Variants in RARS1 observed in about 807,000 individuals in gnomAD.
The protein encoded by RARS1 is arginine--tRNA ligase, cytoplasmic.
In RARS1, 75 loss-of-function variants were observed where a neutral mutation model predicts 78.7. That is an observed-to-expected ratio of 0.95 (90% CI 0.79 to 1.15). The LOEUF (loss-of-function observed/expected upper bound fraction) is 1.15. Ranked by LOEUF, RARS1 falls within the 50% of genes most tolerant of loss-of-function variation. The pLI is 0.00. For synonymous variants in RARS1, 273 were observed against 268.2 expected (o/e 1.02, Z -0.18); for missense variants, 787 against 787.5 (o/e 1.00, Z 0.01).
At chr5:168,505,039 A>T (rs1272458773) in intron 9 of RARS1, among the ~76,000 whole-genome samples, 1 of 152,200 alleles carries the variant, frequency 6.6e-6, no homozygotes, top group Non-Finnish European at 1.5e-5. Context: ...TTTATGAGAA[A>T]ATAGGCACAG....
intron 2 of RARS1, among the ~76,000 whole-genome samples, chr5:168,490,488 C>T (rs1255834470): frequency 1.3e-5 from 2 of 152,084 alleles, no homozygotes; most frequent in African/African-American, 4.8e-5. Flanking sequence ...TGCAGATTAG[C>T]TCTTATATAG....
At position 168,517,799 on chromosome 5, in the gene RARS1, T is replaced by G; in HGVS notation, c.1626-16T>G. ...AACAGTGGTGATTGCCTGATGATTT[T>G]TTTGTTTTTTTTAAGGTCTATTGCA... is the stretch of plus-strand genomic sequence containing the variant. On this transcript the variant is annotated splice_polypyrimidine_tract_variant and intron_variant, in intron 13 of 14. Transcript: ENST00000231572. 1 of 1,558,422 alleles carries G rather than the reference T, an allele frequency of 6.4e-7. No individual in the cohort carries two copies. The highest frequency in any genetic ancestry group is 1.4e-5 in the African/African-American group (1 of 71,514).
chr5:168,495,419 AG>A lies in RARS1; in HGVS notation c.687del (p.Tyr230MetfsTer6). 1.2e-6 allele frequency: 2 copies of A among 1,613,780 alleles called. No individual in the cohort carries two copies. Among genetic ancestry groups the A allele is most frequent in the Non-Finnish European group, 8.5e-7 (1 of 1,179,788 alleles). On this transcript the variant is annotated frameshift_variant, in exon 6 of 15. Transcript: ENST00000231572. LOFTEE classifies it high-confidence loss of function. ...ESISRLFEFAGYDVLRLNHVG... is the reference protein window; with the variant it reads ...ESISRLFEFAXYDVLRLNHVG... ...GTATAAGCCGCCTCTTTGAATTTGC[AG>A]GGTATGACGTGCTCAGGTATGTGCT...
chr5:168,512,369 C>T (rs80346848), intron 12 of RARS1, among the ~76,000 whole-genome samples: 19,705 of 151,962 alleles, frequency 0.13, 1,676 homozygotes, highest in Non-Finnish European at 0.19. Flanking sequence ...GGTTGTAGGG[C>T]TGACTTACGC....
chr5:168,517,078 C>A, intron 13 of RARS1, 128 bp downstream of exon 13: 1 of 949,998 alleles, frequency 1.1e-6, no homozygotes, highest in Non-Finnish European at 1.6e-6. Flanking sequence ...CCCACCTCAG[C>A]CTCCTGAGTA....
intron 12 of RARS1, among the ~76,000 whole-genome samples, 175 bp from the exon 13 acceptor site, chr5:168,516,597 TATTTTC>T (rs2113037881): frequency 6.6e-6 from 1 of 152,358 alleles, no homozygotes; most frequent in East Asian, 1.9e-4. Flanking sequence ...ACGCATTTTA[TATTTTC>T]ATTATTTTGT....
chr5:168,501,873 A>AT (rs911724967), intron 8 of RARS1, 128 bp from the exon 9 acceptor site: 5 of 1,364,356 alleles, frequency 3.7e-6, no homozygotes, highest in African/African-American at 3.0e-5. Flanking sequence ...TATATCATAC[A>AT]TTTTTTATGT....
chr5:168,496,161 C>T (rs1758180683), intron 6 of RARS1, among the ~76,000 whole-genome samples: 1 of 151,952 alleles, frequency 6.6e-6, no homozygotes, highest in East Asian at 2.0e-4. Flanking sequence ...AAGGATGGAT[C>T]ACGAGGTCAG....
chr5:168,505,630 T>G (rs1758426805), intron 9 of RARS1, among the ~76,000 whole-genome samples: 1 of 149,378 alleles, frequency 6.7e-6, no homozygotes, highest in South Asian at 2.1e-4. Context: ...TCCCAGTACT[T>G]GGGGAGGCCC....
At chr5:168,511,871 T>C (rs1758569797) in intron 12 of RARS1, among the ~76,000 whole-genome samples, 1 of 152,072 alleles carries the variant, frequency 6.6e-6, no homozygotes, top group Non-Finnish European at 1.5e-5. Flanking sequence ...GTTTTTGGTT[T>C]TGTTTTGTTT....
intron 11 of RARS1, among the ~76,000 whole-genome samples, chr5:168,508,672 A>G (rs1758499986): frequency 6.6e-6 from 1 of 151,900 alleles, no homozygotes; most frequent in African/African-American, 2.4e-5. Flanking sequence ...GGGACTTAAG[A>G]AAAAGGTTTG....
At position 168,495,516 on chromosome 5, in the gene RARS1, C is replaced by T. The variant is rs1290334291; in HGVS notation, c.701+80C>T. 10 of 1,513,006 alleles carry T rather than the reference C, an allele frequency of 6.6e-6. No individual in the cohort carries two copies. The Admixed American group carries it at 1.5e-4, about 22-fold the overall frequency. 93.7% of individuals were successfully genotyped at this position (1,513,006 alleles called of 1,614,324 possible). A position where few individuals can be genotyped will look rare whatever the true frequency, so the allele number is the denominator to read the frequency against. On this transcript the variant is annotated intron_variant, in intron 6 of 14. Coordinates refer to ENST00000231572, the MANE Select transcript of RARS1 (RefSeq NM_002887.4). ...ATTCTATAGAACATGGAATATCTCA[C>T]TCAAGAAAGAACATTCGACTAAATC...
At chr5:168,492,553 T>C (rs1257466911) in intron 2 of RARS1, 106 bp from the exon 3 acceptor site, 9 of 992,210 alleles carry the variant, frequency 9.1e-6, no homozygotes, top group Non-Finnish European at 1.3e-5. Flanking sequence ...GTTTTCCCTT[T>C]TGGTTCTTAA....
intron 9 of RARS1, 71 bp downstream of exon 9, chr5:168,502,176 G>A: frequency 6.5e-7 from 1 of 1,540,712 alleles, no homozygotes; most frequent in Non-Finnish European, 8.7e-7. Context: ...AGAATTTATA[G>A]TAATGCCAGC....
At chr5:168,486,656 C>T (rs1757970582) in intron 1 of RARS1, 113 bp downstream of exon 1, 2 of 1,113,082 alleles carry the variant, frequency 1.8e-6, no homozygotes, top group African/African-American at 1.6e-5. Context: ...CTGGTCCTCT[C>T]AGAGTGGAGC....
In RARS1 at chr5:168,492,007, A is replaced by C. The variant is rs76584439; in HGVS notation, c.181-652A>C. 4.3e-4 allele frequency among the ~76,000 whole-genome samples: 57 copies of C among 133,584 alleles called. 2 individuals carry two copies. In the East Asian group the frequency reaches 0.013, roughly 30 times the overall value. 87.6% of individuals were successfully genotyped at this position (133,584 alleles called of 152,430 possible). A position where few individuals can be genotyped will look rare whatever the true frequency, so the allele number is the denominator to read the frequency against. ...TATGGCAAGTACAGTGCTAGATGCCAGGGACAGGGAAGAGAGCCATGAATT... is the reference window on the plus strand; with the variant it reads ...TATGGCAAGTACAGTGCTAGATGCCCGGGACAGGGAAGAGAGCCATGAATT... On this transcript the variant is annotated intron_variant, in intron 2 of 14. Transcript: ENST00000231572.
intron 12 of RARS1, among the ~76,000 whole-genome samples, chr5:168,513,003 G>T (rs900513605): frequency 1.3e-5 from 2 of 151,738 alleles, no homozygotes; most frequent in African/African-American, 4.8e-5. Context: ...GATGAATAAT[G>T]ATATTGATGA....
intron 4 of RARS1, chr5:168,494,328 A>G (rs1758139932): frequency 7.1e-6 from 7 of 985,328 alleles, no homozygotes; most frequent in Non-Finnish European, 4.8e-6. Context: ...GCTGAAAGTG[A>G]AAGGGCCCTG....
Position 168,491,793 on chromosome 5 carries a change from T to G in RARS1, c.181-866T>G, listed in dbSNP as rs760495271. On this transcript the variant is annotated intron_variant, in intron 2 of 14. Transcript: ENST00000231572. The stretch of plus-strand genomic sequence containing the variant: ...CATACTCAAGTATTAACTTTTGTTA[T>G]TGTCATTATTTTATACTGTTGACAT... 7.2e-5 allele frequency among the ~76,000 whole-genome samples: 11 copies of G among 152,242 alleles called. 1 individual carries two copies. The highest frequency in any genetic ancestry group is 1.5e-4 in the Non-Finnish European group (10 of 68,044).
Sources: gnomAD v4.1 joint callset for allele counts (sites outside exome capture counted in the v4.1 genomes callset) on GRCh38, gnomAD v4.1.1 for gene constraint, MANE v1.5 for transcripts, NCBI Gene and HGNC (gene_info 2026-07-23, HGNC 2026-07-21) for gene names.